PSD3: variants seen among roughly 807,000 people sequenced by gnomAD.
The protein encoded by PSD3 is PH and SEC7 domain-containing protein 3.
PSD3 carries 49 observed loss-of-function variants against 105.5 expected under a neutral mutation model. The observed-to-expected ratio is 0.46, with a 90% CI of 0.37 to 0.59. PSD3 has a LOEUF of 0.59. Ranked by LOEUF, PSD3 falls within the 20% of genes least tolerant of loss-of-function variation. PSD3 has a pLI of 0.00. For synonymous variants in PSD3, 557 were observed against 457.8 expected, an observed-to-expected ratio of 1.22 and a Z score of -2.77; for missense variants, 1,561 against 1,263.8, an observed-to-expected ratio of 1.24 and a Z score of -3.57.
At chr8:18,843,591 A>G (rs1333772472) in intron 4 of PSD3, among the ~76,000 whole-genome samples, 1 of 152,180 alleles carries the variant, frequency 6.6e-6, no homozygotes, top group African/African-American at 2.4e-5. Context: ...ATACAATTTC[A>G]GTCCTCACCT....
intron 4 of PSD3, among the ~76,000 whole-genome samples, chr8:18,835,794 T>C (rs1270290876): frequency 6.6e-6 from 1 of 152,060 alleles, no homozygotes; most frequent in Non-Finnish European, 1.5e-5. Context: ...TGCTCAGAAA[T>C]GGCCAAAGAG....
intron 1 of PSD3, among the ~76,000 whole-genome samples, chr8:18,962,475 T>C (rs1024610382): frequency 2.0e-5 from 3 of 152,190 alleles, no homozygotes; most frequent in Non-Finnish European, 4.4e-5. Flanking sequence ...AAAGGTATTT[T>C]TGGTGGGAGG....
intron 15 of PSD3, among the ~76,000 whole-genome samples, chr8:18,555,945 TCACAGCGGGCGCA>T (rs1038004709): frequency 1.3e-5 from 2 of 152,194 alleles, no homozygotes; most frequent in Non-Finnish European, 2.9e-5. Flanking sequence ...TTTCTTCCCC[TCACAGCGGGCGCA>T]CACTATTCCA....
At chr8:18,942,564 G>C (rs1219444308) in intron 1 of PSD3, among the ~76,000 whole-genome samples, 1 of 152,192 alleles carries the variant, frequency 6.6e-6, no homozygotes, top group Non-Finnish European at 1.5e-5. Flanking sequence ...TCTTTAAAGA[G>C]ATAATTAGGT....
chr8:18,599,080 C>A (rs1804244297), intron 12 of PSD3, among the ~76,000 whole-genome samples: 1 of 152,056 alleles, frequency 6.6e-6, no homozygotes, highest in African/African-American at 2.4e-5. Flanking sequence ...ATAAAAGACT[C>A]TGAATCTCTG....
At chr8:18,936,215 C>A (rs2129469087) in intron 1 of PSD3, 73 bp from the exon 2 acceptor site, 3 of 970,902 alleles carry the variant, frequency 3.1e-6, no homozygotes, top group East Asian at 2.4e-5. Flanking sequence ...ACAAATTATC[C>A]AACATGAGAT....
chr8:18,812,064 G>C (rs1811743162), intron 4 of PSD3, among the ~76,000 whole-genome samples: 1 of 152,064 alleles, frequency 6.6e-6, no homozygotes, highest in African/African-American at 2.4e-5. Context: ...CTAAATCTCG[G>C]ATCAGACTGA....
At chr8:19,075,200 G>C (rs181296931) in intron 1 of PSD3, among the ~76,000 whole-genome samples, 2 of 152,184 alleles carry the variant, frequency 1.3e-5, no homozygotes, top group South Asian at 4.2e-4. Flanking sequence ...CGCCCACCTC[G>C]GCCTCCCAAA....
intron 9 of PSD3, among the ~76,000 whole-genome samples, chr8:18,721,777 T>C (rs1056313913): frequency 3.3e-5 from 5 of 152,190 alleles, no homozygotes; most frequent in Admixed American, 2.0e-4. Flanking sequence ...CACACTTCTT[T>C]ACCCAATAAA....
At chr8:19,077,808 C>T (rs577362697) in intron 1 of PSD3, among the ~76,000 whole-genome samples, 3 of 152,240 alleles carry the variant, frequency 2.0e-5, no homozygotes, top group Admixed American at 2.0e-4. Flanking sequence ...TCATAAGGTA[C>T]AGTTCAAGGT....
At chr8:18,821,847 A>C (rs1812752720) in intron 4 of PSD3, among the ~76,000 whole-genome samples, 1 of 117,026 alleles carries the variant, frequency 8.5e-6, no homozygotes, top group African/African-American at 3.1e-5. Flanking sequence ...ATACCCACAC[A>C]CACATGCACA....
Position 18,528,926 on chromosome 8 carries a change from T to C in PSD3, c.*6817A>G, listed in dbSNP as rs535277277. ...CCATTTCCATCCTCGCTGTTGTTGC[T>C]GATGGAAAAGTGCTCAACTGCTCAG... On this transcript the variant is annotated 3_prime_UTR_variant, in exon 16 of 16. Coordinates refer to ENST00000327040, the MANE Select transcript of PSD3 (RefSeq NM_015310.4). 3 of 152,552 alleles carry C rather than the reference T, an allele frequency of 2.0e-5. No individual in the cohort carries two copies. The highest frequency in any genetic ancestry group is 7.2e-5 in the African/African-American group (3 of 41,582). 9.4% of individuals were successfully genotyped at this position (152,552 alleles called of 1,614,324 possible).
chr8:18,726,412 T>C (rs777562409), intron 9 of PSD3, among the ~76,000 whole-genome samples: 23 of 152,204 alleles, frequency 1.5e-4, no homozygotes, highest in Non-Finnish European at 2.8e-4. Flanking sequence ...CCACTGTAAT[T>C]CCCCAATATT....
chr8:18,782,491 T>C (rs1808734417), intron 8 of PSD3, among the ~76,000 whole-genome samples: 1 of 152,198 alleles, frequency 6.6e-6, no homozygotes, highest in African/African-American at 2.4e-5. Context: ...TGGCTTTTAG[T>C]AACGGCTGTA....
At chr8:18,537,762 C>T (rs1799921594) in intron 15 of PSD3, among the ~76,000 whole-genome samples, 1 of 152,070 alleles carries the variant, frequency 6.6e-6, no homozygotes, top group African/African-American at 2.4e-5. Context: ...CCGCAACCTC[C>T]ACCGCCTGGG....
intron 14 of PSD3, among the ~76,000 whole-genome samples, chr8:18,558,466 G>A (rs1304192861): frequency 6.6e-6 from 1 of 152,154 alleles, no homozygotes; most frequent in Non-Finnish European, 1.5e-5. Context: ...CCCTACACAT[G>A]TACGTGCTCA....
chr8:18,795,928 T>G (rs770450259), intron 8 of PSD3, among the ~76,000 whole-genome samples: 2 of 152,172 alleles, frequency 1.3e-5, no homozygotes, highest in Non-Finnish European at 2.9e-5. Context: ...AGAAAGAAAC[T>G]CTAGAGTTTA....
chr8:18,665,724 G>C (rs1030488981), intron 9 of PSD3, among the ~76,000 whole-genome samples: 7 of 152,156 alleles, frequency 4.6e-5, no homozygotes, highest in African/African-American at 7.2e-5. Context: ...TGGCGTGCAT[G>C]CCAATGGTCT....
In PSD3 at chr8:18,850,958, A is replaced by G. The variant is rs75736322; in HGVS notation, c.1634+16716T>C. Among the ~76,000 whole-genome samples, 6 of 152,262 alleles carry G rather than the reference A, an allele frequency of 3.9e-5. No homozygotes were observed. The East Asian group carries it at 9.7e-4, about 25-fold the overall frequency. ...ACAGGTTCTTATGCATACCAGGAGC[A>G]TTCAAGAACAGAGGGGACAAAAGAT... On this transcript the variant is annotated intron_variant, in intron 4 of 15. Coordinates refer to ENST00000327040, the MANE Select transcript of PSD3 (RefSeq NM_015310.4).
Sources: gnomAD v4.1 joint callset for allele counts (sites outside exome capture counted in the v4.1 genomes callset) on GRCh38, gnomAD v4.1.1 for gene constraint, MANE v1.5 for transcripts, NCBI Gene and HGNC (gene_info 2026-07-23, HGNC 2026-07-21) for gene names.